RNF169: variants seen among roughly 807,000 people sequenced by gnomAD.
The protein encoded by RNF169 is ring finger protein 169.
In RNF169, 24 loss-of-function variants were observed where a neutral mutation model predicts 53.9. The observed-to-expected ratio is 0.45, with a 90% CI of 0.32 to 0.63. The LOEUF (loss-of-function observed/expected upper bound fraction) is 0.63, where lower values mean the gene tolerates loss of function less well. Ranked by LOEUF, RNF169 falls within the 20% of genes least tolerant of loss-of-function variation. The pLI is 0.04. For synonymous variants in RNF169, 396 were observed against 363.5 expected (o/e 1.09, Z -1.02); for missense variants, 883 against 906.2 (o/e 0.97, Z 0.33).
In RNF169 at chr11:74,749,107, G is replaced by A; in HGVS notation, c.227G>A (p.Gly76Glu). ...TGCGCCGGGTGCCTGGAGCCCCCCG[G>A]AGAAGCAGCGGCCCTGCCGTGCGGC... is the stretch of plus-strand genomic sequence containing the variant. The part of the protein sequence containing the change: ...SGCAGCLEPP[G>E]EAAALPCGHS... Residue 76 changes from glycine to glutamate, a missense_variant, in exon 1 of 6, where the codon GGA becomes GAA. This residue lies in a region of RNF169 where 313 missense variants were observed against 279.9 expected (regional missense o/e 1.12). Transcript: ENST00000299563. 7.1e-7 allele frequency: 1 copy of A among 1,417,856 alleles called. No homozygotes were observed. The highest frequency in any genetic ancestry group is 1.5e-5 in the African/African-American group (1 of 67,306). The allele number at this position is 1,417,856 out of a possible 1,614,324, so 87.8% of individuals were successfully genotyped here.
intron 1 of RNF169, among the ~76,000 whole-genome samples, chr11:74,771,405 C>G (rs1329433396): frequency 6.6e-6 from 1 of 152,162 alleles, no homozygotes; most frequent in African/African-American, 2.4e-5. Context: ...ATGCACAAAA[C>G]TATTTTAATT....
chr11:74,820,709 G>C (rs987010536), intron 4 of RNF169, among the ~76,000 whole-genome samples: 1 of 152,174 alleles, frequency 6.6e-6, no homozygotes, highest in Admixed American at 6.5e-5. Context: ...AATGGAATAT[G>C]GCTGGAAAAG....
At chr11:74,752,703 C>G (rs899186051) in intron 1 of RNF169, among the ~76,000 whole-genome samples, 1 of 151,570 alleles carries the variant, frequency 6.6e-6, no homozygotes, top group Non-Finnish European at 1.5e-5. Context: ...AAAGGTTGTA[C>G]ATTATACACA....
intron 2 of RNF169, among the ~76,000 whole-genome samples, chr11:74,795,094 C>T (rs1349313623): frequency 6.6e-6 from 1 of 151,956 alleles, no homozygotes. Context: ...GTGTGAGCCA[C>T]CACGCTTGGC....
chr11:74,776,329 G>C (rs2035334522), intron 1 of RNF169, among the ~76,000 whole-genome samples: 1 of 151,774 alleles, frequency 6.6e-6, no homozygotes, highest in Non-Finnish European at 1.5e-5. Flanking sequence ...CTATTATAAT[G>C]CAACCTCAAA....
intron 2 of RNF169, among the ~76,000 whole-genome samples, chr11:74,806,125 A>T (rs2035802460): frequency 6.6e-6 from 1 of 152,108 alleles, no homozygotes; most frequent in Non-Finnish European, 1.5e-5. Context: ...AATATAAAGA[A>T]CTCTTACAAA....
intron 1 of RNF169, among the ~76,000 whole-genome samples, chr11:74,766,898 A>C (rs183547902): frequency 2.0e-5 from 3 of 152,234 alleles, no homozygotes; most frequent in African/African-American, 7.2e-5. Flanking sequence ...TTACAACTTG[A>C]TAACAAAATC....
intron 4 of RNF169, among the ~76,000 whole-genome samples, chr11:74,825,857 C>T (rs748788874): frequency 1.3e-5 from 2 of 152,108 alleles, no homozygotes; most frequent in African/African-American, 2.4e-5. Flanking sequence ...CTATAAAGAA[C>T]GGCCCGAGAC....
At chr11:74,831,688 A>G (rs1485557569) in intron 4 of RNF169, 3 of 150,902 alleles carry the variant, frequency 2.0e-5, no homozygotes, top group Admixed American at 2.0e-4. Context: ...TAGTTAAAAC[A>G]ATCTTGAAAA....
At chr11:74,833,626 T>G (rs182803305) in intron 4 of RNF169, among the ~76,000 whole-genome samples, 87 of 152,328 alleles carry the variant, frequency 5.7e-4, no homozygotes, top group African/African-American at 2.1e-3. Flanking sequence ...AGATCTAGAC[T>G]GTGTCTCATT....
At chr11:74,822,009 G>A (rs904582248) in intron 4 of RNF169, among the ~76,000 whole-genome samples, 2 of 151,246 alleles carry the variant, frequency 1.3e-5, no homozygotes, top group Non-Finnish European at 3.0e-5. Flanking sequence ...TCACTCCAGG[G>A]TGTGTGTGTG....
intron 4 of RNF169, chr11:74,830,629 G>A (rs2036164329): frequency 6.6e-6 from 1 of 151,730 alleles, no homozygotes; most frequent in Non-Finnish European, 1.5e-5. Context: ...AAGAATTAAT[G>A]TGAATCCTCA....
intron 2 of RNF169, among the ~76,000 whole-genome samples, chr11:74,796,384 G>GA (rs1024364632): frequency 6.6e-6 from 1 of 152,096 alleles, no homozygotes; most frequent in Admixed American, 6.5e-5. Flanking sequence ...ATGTTGAAAT[G>GA]AAAAAATTCT....
chr11:74,840,413 T>C lies in RNF169; in HGVS notation c.*3683T>C, dbSNP rs1430090598. 1 of 152,226 alleles carries C rather than the reference T, an allele frequency of 6.6e-6. No individual in the cohort carries two copies. The highest frequency in any genetic ancestry group is 1.5e-5 in the Non-Finnish European group (1 of 68,040). The allele number at this position is 152,226 out of a possible 1,614,324, so 9.4% of individuals were successfully genotyped here. A position where few individuals can be genotyped will look rare whatever the true frequency, so the allele number is the denominator to read the frequency against. ...TTTGTGAATTTGATTGCACCACCGC[T>C]TTTCCTTTACTAAGTAATGTTATGG... is the stretch of plus-strand genomic sequence containing the variant. On this transcript the variant is annotated 3_prime_UTR_variant, in exon 6 of 6. Transcript: ENST00000299563.
At chr11:74,807,415 A>T (rs897991113) in intron 2 of RNF169, among the ~76,000 whole-genome samples, 2 of 151,908 alleles carry the variant, frequency 1.3e-5, no homozygotes, top group African/African-American at 2.4e-5. Flanking sequence ...TTTTTTGGTT[A>T]TGCTGCTCTG....
At chr11:74,773,350 C>T (rs1483812384) in intron 1 of RNF169, among the ~76,000 whole-genome samples, 2 of 152,158 alleles carry the variant, frequency 1.3e-5, no homozygotes, top group Non-Finnish European at 2.9e-5. Context: ...ATTTACTGTT[C>T]TGTTGCATTT....
chr11:74,779,425 C>T (rs1591399786), intron 1 of RNF169, among the ~76,000 whole-genome samples: 1 of 152,048 alleles, frequency 6.6e-6, no homozygotes, highest in South Asian at 2.1e-4. Flanking sequence ...TGTGTATTTC[C>T]TCTTGTTCCC....
intron 4 of RNF169, chr11:74,830,464 C>T (rs1290280012): frequency 6.6e-6 from 1 of 151,664 alleles, no homozygotes; most frequent in African/African-American, 2.4e-5. Flanking sequence ...TGAAATGCAC[C>T]AATTCCTAGA....
intron 1 of RNF169, among the ~76,000 whole-genome samples, chr11:74,787,699 G>A (rs578201614): frequency 3.3e-5 from 5 of 152,126 alleles, no homozygotes; most frequent in African/African-American, 7.2e-5. Flanking sequence ...CATTGCTGGC[G>A]GGACTATAAA....
Sources: gnomAD v4.1 joint callset for allele counts (sites outside exome capture counted in the v4.1 genomes callset) on GRCh38, gnomAD v4.1.1 for gene constraint, gnomAD v4.1.1 regional missense constraint, MANE v1.5 for transcripts, NCBI Gene and HGNC (gene_info 2026-07-23, HGNC 2026-07-21) for gene names.